The following PHLPP1 variants were observed in gnomAD, a reference collection of about 807,000 sequenced individuals.
The protein encoded by PHLPP1 is PH domain leucine-rich repeat-containing protein phosphatase 1.
A neutral mutation model predicts 117.2 loss-of-function variants in PHLPP1; 42 were observed. The observed-to-expected ratio is 0.36, with a 90% CI of 0.28 to 0.46. PHLPP1 has a LOEUF of 0.46. Ranked by LOEUF, PHLPP1 falls within the 20% of genes least tolerant of loss-of-function variation. PHLPP1 has a pLI of 1.00. For missense variants in PHLPP1, 2,084 were observed against 2,241.9 expected (o/e 0.93, Z 1.42); for synonymous variants, 1,042 against 970.7 (o/e 1.07, Z -1.37).
intron 12 of PHLPP1, among the ~76,000 whole-genome samples, chr18:62,952,894 T>G (rs1910505337): frequency 6.6e-6 from 1 of 152,172 alleles, no homozygotes; most frequent in African/African-American, 2.4e-5. Context: ...AGTGCTGGAA[T>G]TACAGACGTG....
chr18:62,967,495 GTTTA>G (rs1361346726), intron 14 of PHLPP1, among the ~76,000 whole-genome samples: 1 of 151,740 alleles, frequency 6.6e-6, no homozygotes, highest in Non-Finnish European at 1.5e-5. Flanking sequence ...CTTTCCATAT[GTTTA>G]TTTATCATCC....
At chr18:62,803,283 AG>A (rs536830354) in intron 1 of PHLPP1, among the ~76,000 whole-genome samples, 124 of 152,316 alleles carry the variant, frequency 8.1e-4, no homozygotes, top group African/African-American at 2.8e-3. Context: ...ACATACATTC[AG>A]AAAGGTATGC....
chr18:62,828,277 C>T (rs1377405476), intron 1 of PHLPP1, among the ~76,000 whole-genome samples: 5 of 152,168 alleles, frequency 3.3e-5, no homozygotes, highest in Non-Finnish European at 7.3e-5. Flanking sequence ...TGAACTTGTG[C>T]AGAATGGGAC....
intron 7 of PHLPP1, among the ~76,000 whole-genome samples, chr18:62,904,282 G>A (rs1247318578): frequency 6.6e-6 from 1 of 152,156 alleles, no homozygotes; most frequent in African/African-American, 2.4e-5. Flanking sequence ...AAGTAATTAG[G>A]GGATGCATGC....
intron 1 of PHLPP1, among the ~76,000 whole-genome samples, chr18:62,723,563 A>G (rs1027024123): frequency 1.3e-5 from 2 of 152,156 alleles, no homozygotes; most frequent in Non-Finnish European, 2.9e-5. Flanking sequence ...CAGGTGGAGA[A>G]TGAATCTTTT....
intron 8 of PHLPP1, 131 bp from the exon 9 acceptor site, chr18:62,914,782 A>AT: frequency 1.6e-6 from 1 of 635,988 alleles, no homozygotes; most frequent in Non-Finnish European, 2.8e-6. Context: ...GAATCCACAC[A>AT]TTCTTTCGAT....
intron 15 of PHLPP1, among the ~76,000 whole-genome samples, chr18:62,974,406 A>G (rs1413158377): frequency 6.6e-6 from 1 of 152,148 alleles, no homozygotes; most frequent in Non-Finnish European, 1.5e-5. Flanking sequence ...CCTGGTTTCC[A>G]TTGCTCTTCT....
At chr18:62,924,943 A>G (rs777012521) in intron 10 of PHLPP1, among the ~76,000 whole-genome samples, 8 of 151,782 alleles carry the variant, frequency 5.3e-5, no homozygotes, top group Non-Finnish European at 1.0e-4. Flanking sequence ...AGGGGAATCT[A>G]TGTTACATTA....
chr18:62,806,095 CA>C (rs1380721864), intron 1 of PHLPP1, among the ~76,000 whole-genome samples: 5 of 151,942 alleles, frequency 3.3e-5, no homozygotes, highest in African/African-American at 1.2e-4. Context: ...TGAAACAAAA[CA>C]AAAACTCAAA....
At chr18:62,843,665 A>G (rs1373899676) in intron 3 of PHLPP1, among the ~76,000 whole-genome samples, 1 of 152,200 alleles carries the variant, frequency 6.6e-6, no homozygotes, top group Non-Finnish European at 1.5e-5. Context: ...CATTCCTAAA[A>G]TATTAATGCA....
rs71340125 is a variant in PHLPP1, at chr18:62,874,657, GCACACACA to G, written c.2066+14084_2066+14091del. ...CATCACAGGGCGCGCACGCACGCGCGCACACACACACACACACACACACACACACACAC... is the reference window on the plus strand; with the variant it reads ...CATCACAGGGCGCGCACGCACGCGCGCACACACACACACACACACACACAC... On this transcript the variant is annotated intron_variant, in intron 4 of 16. Coordinates refer to ENST00000262719, the MANE Select transcript of PHLPP1 (RefSeq NM_194449.4). Among the ~76,000 whole-genome samples the G allele has an allele frequency of 6.3e-3, 934 of 147,680 alleles. 9 individuals are homozygous for G. The highest frequency in any genetic ancestry group is 0.022 in the South Asian group (100 of 4,592).
Position 62,978,208 on chromosome 18 carries a change from G to C in PHLPP1, c.3985-54G>C, listed in dbSNP as rs1911250842. 1 of 1,078,240 alleles carries C rather than the reference G, an allele frequency of 9.3e-7. No homozygotes were observed. Among genetic ancestry groups the C allele is most frequent in the East Asian group, 2.5e-5 (1 of 39,260 alleles). 66.8% of individuals were successfully genotyped at this position (1,078,240 alleles called of 1,614,324 possible). A position where few individuals can be genotyped will look rare whatever the true frequency, so the allele number is the denominator to read the frequency against. ...GAGGGACCCGCAGGGAACCTGCACA[G>C]TTGCCGCAGGTGCTCTGTATTAACT... On this transcript the variant is annotated intron_variant, in intron 16 of 16. Coordinates refer to ENST00000262719, the MANE Select transcript of PHLPP1 (RefSeq NM_194449.4). This position sits in a 1 kb window ranked among gnomAD's most constrained non-coding sequence, Gnocchi z 7.0.
At chr18:62,718,463 G>A (rs948142744) in intron 1 of PHLPP1, among the ~76,000 whole-genome samples, 11 of 152,192 alleles carry the variant, frequency 7.2e-5, no homozygotes, top group African/African-American at 2.7e-4. Context: ...ATTGAAATAT[G>A]CAAGACTGAC....
chr18:62,901,318 A>G (rs1310363689), intron 6 of PHLPP1, among the ~76,000 whole-genome samples: 1 of 152,156 alleles, frequency 6.6e-6, no homozygotes, highest in African/African-American at 2.4e-5. Flanking sequence ...CTAGTAATCT[A>G]GTGAGCATTT....
At chr18:62,746,775 G>GT (rs1190972166) in intron 1 of PHLPP1, among the ~76,000 whole-genome samples, 117 of 146,804 alleles carry the variant, frequency 8.0e-4, no homozygotes, top group East Asian at 4.0e-4. Flanking sequence ...TTGTATGTGG[G>GT]TTTTTTTTTT....
chr18:62,760,629 A>C (rs1441500402), intron 1 of PHLPP1, among the ~76,000 whole-genome samples: 1 of 152,184 alleles, frequency 6.6e-6, no homozygotes, highest in Non-Finnish European at 1.5e-5. Flanking sequence ...GTCTTGGTGC[A>C]AGGCTCTCTC....
At chr18:62,947,060 AAACAAC>A (rs899892989) in intron 12 of PHLPP1, among the ~76,000 whole-genome samples, 2 of 152,184 alleles carry the variant, frequency 1.3e-5, no homozygotes, top group South Asian at 4.1e-4. Flanking sequence ...CTCAAAAAAC[AAACAAC>A]AACAACAACA....
chr18:62,834,994 A>G (rs534031579), intron 2 of PHLPP1, among the ~76,000 whole-genome samples: 1 of 152,226 alleles, frequency 6.6e-6, no homozygotes, highest in African/African-American at 2.4e-5. Context: ...GTTTTTGAGT[A>G]TTGATCTTGA....
In PHLPP1 at chr18:62,945,429, C is replaced by T. The variant is rs539627331; in HGVS notation, c.3324+158C>T. 9.8e-5 allele frequency among the ~76,000 whole-genome samples: 15 copies of T among 152,346 alleles called. No individual in the cohort carries two copies. In the South Asian group the frequency reaches 1.7e-3, roughly 17 times the overall value. On this transcript the variant is annotated intron_variant, in intron 12 of 16. Coordinates refer to ENST00000262719, the MANE Select transcript of PHLPP1 (RefSeq NM_194449.4). The stretch of plus-strand genomic sequence containing the variant: ...CTCCTTCCTAACCAATGGGCTACAC[C>T]GTTGAGTCGGCAGAGTTAAAAAACA...
Sources: gnomAD v4.1 joint callset for allele counts (sites outside exome capture counted in the v4.1 genomes callset) on GRCh38, gnomAD v4.1.1 for gene constraint, Gnocchi (gnomAD v3.1) non-coding constraint, MANE v1.5 for transcripts, NCBI Gene and HGNC (gene_info 2026-07-23, HGNC 2026-07-21) for gene names.